The following GNAL variants were observed in gnomAD, a reference collection of about 807,000 sequenced individuals.
The protein encoded by GNAL is G protein subunit alpha L.
GNAL carries 18 observed loss-of-function variants against 55.1 expected under a neutral mutation model. The ratio of observed to expected loss-of-function variants is 0.33; its 90% CI spans 0.23 to 0.48. GNAL has a LOEUF of 0.48. GNAL is among the 20% of genes least tolerant of loss of function. GNAL has a pLI of 0.99. For missense variants in GNAL, 412 were observed against 614.1 expected, an observed-to-expected ratio of 0.67 and a Z score of 3.48; for synonymous variants, 253 against 237.0, an observed-to-expected ratio of 1.07 and a Z score of -0.62.
Position 11,881,219 on chromosome 18 carries a change from T to A in GNAL, c.*84T>A. On this transcript the variant is annotated 3_prime_UTR_variant, in exon 12 of 12. Transcript: ENST00000334049. This position sits in a 1 kb window ranked among gnomAD's most constrained non-coding sequence, Gnocchi z 4.8. ...ATGCCATGGTAGGAGGCAGAGTCTC[T>A]AGTTCCATCTCGCTGCCGTCTGTCC... 7.5e-7 allele frequency: 1 copy of A among 1,327,758 alleles called. No homozygotes were observed. The highest frequency in any genetic ancestry group is 1.0e-6 in the Non-Finnish European group (1 of 967,302). 82.2% of individuals were successfully genotyped at this position (1,327,758 alleles called of 1,614,324 possible). A position where few individuals can be genotyped will look rare whatever the true frequency, so the allele number is the denominator to read the frequency against.
intron 4 of GNAL, among the ~76,000 whole-genome samples, chr18:11,766,810 A>C (rs2033420845): frequency 6.6e-6 from 1 of 152,218 alleles, no homozygotes; most frequent in Non-Finnish European, 1.5e-5. Flanking sequence ...AAAGCGTAGA[A>C]GCTGCAGACT....
At chr18:11,823,855 A>G (rs1303888480) in intron 4 of GNAL, among the ~76,000 whole-genome samples, 1 of 152,164 alleles carries the variant, frequency 6.6e-6, no homozygotes, top group East Asian at 1.9e-4. Flanking sequence ...GTGTTTTGCT[A>G]CTAATGTAGT....
At chr18:11,867,253 A>C (rs1323913751) in intron 8 of GNAL, 27 bp downstream of exon 8, 1 of 1,378,106 alleles carries the variant, frequency 7.3e-7, no homozygotes, top group Non-Finnish European at 1.0e-6. Context: ...CTCTCAAGAA[A>C]ATAGGAGTGA....
chr18:11,734,332 G>C (rs979109060), intron 1 of GNAL, among the ~76,000 whole-genome samples: 2 of 151,748 alleles, frequency 1.3e-5, no homozygotes, highest in Non-Finnish European at 2.9e-5. Context: ...TAGTAGAGAC[G>C]GGGTTTCATC....
At chr18:11,763,560 A>G (rs2033312092) in intron 4 of GNAL, among the ~76,000 whole-genome samples, 2 of 151,928 alleles carry the variant, frequency 1.3e-5, no homozygotes, top group South Asian at 2.1e-4. Context: ...TATTTTTAGT[A>G]GAGATGGGAT....
intron 2 of GNAL, 66 bp from the exon 3 acceptor site, chr18:11,753,562 C>A: frequency 9.8e-7 from 1 of 1,019,970 alleles, no homozygotes; most frequent in Non-Finnish European, 1.6e-6. Context: ...ATTTAAAATC[C>A]CACTCAATTG....
intron 1 of GNAL, among the ~76,000 whole-genome samples, chr18:11,696,040 G>A (rs545595279): frequency 6.6e-6 from 1 of 152,294 alleles, no homozygotes; most frequent in East Asian, 1.9e-4. Context: ...GAAGGCAGAA[G>A]TGACCAAGGA....
Position 11,885,046 on chromosome 18 carries a change from A to G in GNAL, c.*3911A>G. The G allele has an allele frequency of 7.7e-7, 1 of 1,293,792 alleles. No homozygotes were observed. Among genetic ancestry groups the G allele is most frequent in the South Asian group, 1.2e-5 (1 of 80,774 alleles). The allele number at this position is 1,293,792 out of a possible 1,614,324, so 80.1% of individuals were successfully genotyped here. A position where few individuals can be genotyped will look rare whatever the true frequency, so the allele number is the denominator to read the frequency against. ...ATGCTCAACTAAGCATCTGTTCCCT[A>G]GAAATACATGTGTCCAGGTCGTCTC... On this transcript the variant is annotated 3_prime_UTR_variant, in exon 12 of 12. Coordinates refer to ENST00000334049, the MANE Select transcript of GNAL (RefSeq NM_182978.4).
intron 9 of GNAL, among the ~76,000 whole-genome samples, chr18:11,869,942 C>T (rs1419994776): frequency 1.3e-5 from 2 of 151,892 alleles, no homozygotes. Context: ...AAAAATTGAG[C>T]AAATAAAAAA....
intron 5 of GNAL, among the ~76,000 whole-genome samples, chr18:11,845,527 A>C (rs1304369050): frequency 1.3e-5 from 2 of 152,128 alleles, no homozygotes; most frequent in African/African-American, 4.8e-5. Context: ...CATAGACCTA[A>C]CAATATTTCA....
chr18:11,702,841 G>A (rs1293685494), intron 1 of GNAL, among the ~76,000 whole-genome samples: 3 of 148,880 alleles, frequency 2.0e-5, no homozygotes, highest in South Asian at 2.1e-4. Flanking sequence ...AAAATAGCCC[G>A]GTGCGATGGC....
At chr18:11,774,607 G>A (rs2033727171) in intron 4 of GNAL, among the ~76,000 whole-genome samples, 2 of 152,280 alleles carry the variant, frequency 1.3e-5, no homozygotes, top group South Asian at 4.1e-4. Context: ...CATTTCATAT[G>A]TGAGAAAACA....
intron 5 of GNAL, among the ~76,000 whole-genome samples, chr18:11,832,251 C>T (rs568978324): frequency 4.6e-5 from 7 of 152,292 alleles, no homozygotes; most frequent in African/African-American, 1.7e-4. Context: ...TTCTTATGCT[C>T]AGTACGACAC....
At chr18:11,743,514 C>T (rs531546015) in intron 1 of GNAL, among the ~76,000 whole-genome samples, 114 of 152,236 alleles carry the variant, frequency 7.5e-4, no homozygotes, top group African/African-American at 2.7e-3. Flanking sequence ...TATTTTTTAT[C>T]ATAAAATATT....
chr18:11,700,654 C>A (rs1233774839), intron 1 of GNAL, among the ~76,000 whole-genome samples: 2 of 152,260 alleles, frequency 1.3e-5, no homozygotes, highest in African/African-American at 4.8e-5. Flanking sequence ...GCAGGTCAAC[C>A]TGCCGACTGA....
chr18:11,788,896 C>T (rs1241890013), intron 4 of GNAL, among the ~76,000 whole-genome samples: 2 of 5,640 alleles, frequency 3.5e-4, no homozygotes, highest in East Asian at 0.011. Context: ...GACTCCGTCT[C>T]GAAAAAAAAA....
chr18:11,720,125 A>G (rs570521552), intron 1 of GNAL, among the ~76,000 whole-genome samples: 2 of 152,358 alleles, frequency 1.3e-5, no homozygotes, highest in Non-Finnish European at 2.9e-5. Flanking sequence ...CTAGACTGTG[A>G]ACTGTATTTT....
At chr18:11,769,966 A>C (rs937415544) in intron 4 of GNAL, among the ~76,000 whole-genome samples, 1 of 152,260 alleles carries the variant, frequency 6.6e-6, no homozygotes, top group African/African-American at 2.4e-5. Flanking sequence ...TTTTTGAAAA[A>C]TATGTAACAT....
At chr18:11,817,600 T>C (rs541562998) in intron 4 of GNAL, among the ~76,000 whole-genome samples, 75 of 152,290 alleles carry the variant, frequency 4.9e-4, no homozygotes, top group African/African-American at 1.7e-3. Context: ...AGTTTTCTTT[T>C]TGTTTGGTTG....
Sources: gnomAD v4.1 joint callset for allele counts (sites outside exome capture counted in the v4.1 genomes callset) on GRCh38, gnomAD v4.1.1 for gene constraint, Gnocchi (gnomAD v3.1) non-coding constraint, MANE v1.5 for transcripts, NCBI Gene and HGNC (gene_info 2026-07-23, HGNC 2026-07-21) for gene names.